Variants in SCP2 observed in about 807,000 individuals in gnomAD.
SCP2 encodes sterol carrier protein 2, also known as SCP-2/3-oxoacyl-CoA thiolase.
SCP2 carries 48 observed loss-of-function variants against 71.4 expected under a neutral mutation model. That is an observed-to-expected ratio of 0.67 (90% CI 0.53 to 0.86). The LOEUF (loss-of-function observed/expected upper bound fraction) is 0.86. SCP2 is among the 40% of genes least tolerant of loss of function. SCP2 has a pLI of 0.00. For missense variants in SCP2, 560 were observed against 655.6 expected, an observed-to-expected ratio of 0.85 and a Z score of 1.59; for synonymous variants, 220 against 218.1, an observed-to-expected ratio of 1.01 and a Z score of -0.08.
intron 14 of SCP2, among the ~76,000 whole-genome samples, chr1:53,046,394 T>G (rs1001766844): frequency 6.6e-6 from 1 of 152,000 alleles, no homozygotes; most frequent in Non-Finnish European, 1.5e-5. Flanking sequence ...TCATCATGAT[T>G]TTAATGTGAA....
chr1:52,977,375 C>T (rs1170580997), intron 8 of SCP2, among the ~76,000 whole-genome samples: 1 of 152,170 alleles, frequency 6.6e-6, no homozygotes, highest in Non-Finnish European at 1.5e-5. Flanking sequence ...TCTAACTGAA[C>T]TCCCAGAAGA....
intron 11 of SCP2, among the ~76,000 whole-genome samples, chr1:53,013,882 CTTTTTTT>C (rs71044449): frequency 3.3e-4 from 21 of 63,060 alleles, no homozygotes; most frequent in Non-Finnish European, 4.9e-4. Flanking sequence ...ATAGAACATT[CTTTTTTT>C]TTTTTTTTTT....
At chr1:52,982,828 T>C (rs1300353521) in intron 10 of SCP2, among the ~76,000 whole-genome samples, 1 of 152,216 alleles carries the variant, frequency 6.6e-6, no homozygotes, top group African/African-American at 2.4e-5. Flanking sequence ...TCAACAGTCA[T>C]ACACTTAGAT....
At chr1:52,962,983 G>A (rs558784647) in intron 6 of SCP2, among the ~76,000 whole-genome samples, 1 of 148,960 alleles carries the variant, frequency 6.7e-6, no homozygotes, top group Non-Finnish European at 1.5e-5. Context: ...ATTTTTATTT[G>A]TCTTATTTCC....
intron 11 of SCP2, among the ~76,000 whole-genome samples, chr1:53,002,379 A>T (rs1027459030): frequency 2.0e-5 from 3 of 152,192 alleles, no homozygotes; most frequent in Non-Finnish European, 4.4e-5. Context: ...AAGGGAATAC[A>T]TTTGTTTAAT....
At chr1:52,983,352 A>G (rs181206472) in intron 10 of SCP2, among the ~76,000 whole-genome samples, 1 of 152,316 alleles carries the variant, frequency 6.6e-6, no homozygotes, top group Admixed American at 6.5e-5. Flanking sequence ...CTGAAAATGC[A>G]AAACTTTTAC....
chr1:53,039,148 C>G (rs963173730), intron 14 of SCP2, 102 bp downstream of exon 14: 2 of 1,400,826 alleles, frequency 1.4e-6, no homozygotes, highest in Non-Finnish European at 2.0e-6. Context: ...AAAGGACTGG[C>G]TTTTAATGTT....
At chr1:53,050,032 T>G (rs902893057) in intron 15 of SCP2, 2 of 152,542 alleles carry the variant, frequency 1.3e-5, no homozygotes, top group Non-Finnish European at 2.9e-5. Flanking sequence ...GCAAACATCA[T>G]GTGATCTAAT....
chr1:53,027,492 GAGA>G (rs1331269842), intron 12 of SCP2, among the ~76,000 whole-genome samples: 1 of 152,184 alleles, frequency 6.6e-6, no homozygotes, highest in Non-Finnish European at 1.5e-5. Context: ...TTGAAAAAAT[GAGA>G]AGAAGAGCTT....
intron 12 of SCP2, among the ~76,000 whole-genome samples, chr1:53,025,226 A>G (rs990506358): frequency 2.8e-5 from 4 of 145,180 alleles, no homozygotes; most frequent in Admixed American, 1.5e-4. Context: ...CTCCTATGAC[A>G]CCATGCTGGT....
intron 12 of SCP2, among the ~76,000 whole-genome samples, chr1:53,025,260 T>C (rs1405599896): frequency 6.6e-6 from 1 of 152,194 alleles, no homozygotes; most frequent in East Asian, 1.9e-4. Flanking sequence ...CACTGGCTGC[T>C]GCTTTCCCTT....
intron 11 of SCP2, among the ~76,000 whole-genome samples, chr1:53,005,115 A>G (rs1660549469): frequency 6.6e-6 from 1 of 152,150 alleles, no homozygotes; most frequent in African/African-American, 2.4e-5. Flanking sequence ...TAGGTAAACA[A>G]AGTGGCTGGG....
rs1158937811 is a variant in SCP2, at chr1:52,954,796, G to T, written c.388G>T (p.Gly130Ter). ...GFEKMSKGSL[G>*]IKFSDRTIPT... ...TGAGAAGATGAGTAAGGGAAGCCTT[G>T]GAATAAAAGTGAGTGTTATTTTGGC... Residue 130 changes from glycine to a stop codon, truncating the protein, a stop_gained, in exon 5 of 16, where the codon GGA (glycine) becomes TGA (stop). Transcript: ENST00000371514. LOFTEE classifies it high-confidence loss of function. 1 of 1,612,826 alleles carries T rather than the reference G, an allele frequency of 6.2e-7. No individual in the cohort carries two copies. Among genetic ancestry groups the T allele is most frequent in the Admixed American group, 1.7e-5 (1 of 59,976 alleles).
At chr1:52,956,948 C>G (rs1655865034) in intron 5 of SCP2, among the ~76,000 whole-genome samples, 1 of 133,600 alleles carries the variant, frequency 7.5e-6, no homozygotes, top group African/African-American at 3.0e-5. Flanking sequence ...CTCTCTCTGT[C>G]ACCCAGGCTG....
chr1:53,009,784 A>C lies in SCP2; in HGVS notation c.1082-5106A>C, dbSNP rs1185349388. Reference sequence around the variant, plus strand: ...AAGCCAAAATTGACAAATGGGATCTAATTAAACTGAAGAGCTTCTGCACAG... The same window carrying C: ...AAGCCAAAATTGACAAATGGGATCTCATTAAACTGAAGAGCTTCTGCACAG... On this transcript the variant is annotated intron_variant, in intron 11 of 15. Coordinates refer to ENST00000371514, the MANE Select transcript of SCP2 (RefSeq NM_002979.5). Among the ~76,000 whole-genome samples the C allele has an allele frequency of 2.6e-5, 4 of 152,360 alleles. No homozygotes were observed. The East Asian group carries it at 5.8e-4, about 22-fold the overall frequency.
intron 12 of SCP2, among the ~76,000 whole-genome samples, chr1:53,023,058 G>A (rs1438104293): frequency 6.6e-6 from 1 of 152,160 alleles, no homozygotes; most frequent in African/African-American, 2.4e-5. Flanking sequence ...TTTTGTGAAT[G>A]TGAATACTCT....
chr1:52,988,098 GT>G lies in SCP2; in HGVS notation c.1044del (p.Gly349AspfsTer2). The G allele has an allele frequency of 6.2e-7, 1 of 1,604,184 alleles. No homozygotes were observed. The highest frequency in any genetic ancestry group is 8.5e-7 in the Non-Finnish European group (1 of 1,171,258). ...GGAAAGTGGGTCATAAATCCTAGTG[GT>G]GGACTGATTTCAAAGGGACACCCAC... ...YGGKWVINPS[G>X]GLISKGHPLG... On this transcript the variant is annotated frameshift_variant, in exon 11 of 16. Transcript: ENST00000371514. LOFTEE classifies it high-confidence loss of function.
intron 12 of SCP2, among the ~76,000 whole-genome samples, chr1:53,020,015 TA>T (rs2150234575): frequency 6.6e-6 from 1 of 152,240 alleles, no homozygotes; most frequent in South Asian, 2.1e-4. Flanking sequence ...GCCTCCTGAG[TA>T]GCTGGGATTA....
intron 6 of SCP2, among the ~76,000 whole-genome samples, chr1:52,973,644 G>A (rs970709535): frequency 1.3e-5 from 2 of 152,102 alleles, no homozygotes; most frequent in African/African-American, 4.8e-5. Flanking sequence ...CACAATCTCG[G>A]CTCACTGCAA....
Sources: gnomAD v4.1 joint callset for allele counts (sites outside exome capture counted in the v4.1 genomes callset) on GRCh38, gnomAD v4.1.1 for gene constraint, MANE v1.5 for transcripts, NCBI Gene and HGNC (gene_info 2026-07-23, HGNC 2026-07-21) for gene names.